Variants in SETBP1 observed in about 807,000 individuals in gnomAD.
SETBP1 encodes SET binding protein 1, also known as SET-binding protein.
In SETBP1, 9 loss-of-function variants were observed where a neutral mutation model predicts 101.0. That is an observed-to-expected ratio of 0.09 (90% CI 0.05 to 0.16). SETBP1 has a LOEUF of 0.16. Ranked by LOEUF, SETBP1 falls within the 10% of genes least tolerant of loss-of-function variation. The probability of loss-of-function intolerance (pLI) is 1.00; values close to 1 mark genes in which losing one functional copy is unlikely to be tolerated. For missense variants in SETBP1, 1,858 were observed against 2,033.8 expected, an observed-to-expected ratio of 0.91 and a Z score of 1.66; for synonymous variants, 818 against 788.5, an observed-to-expected ratio of 1.04 and a Z score of -0.63.
At position 45,063,672 on chromosome 18, in the gene SETBP1, G is replaced by A. The variant is rs1376299126; in HGVS notation, c.4765G>A (p.Gly1589Arg). ...VKAKRQRKSR[G>R]SESEVLP ...AGCCAAAAGGCAGAGGAAGTCCCGA[G>A]GGAGTGAGAGCGAGGTCCTTCCCTA... Residue 1589 changes from glycine (G) to arginine (R), a missense_variant, in exon 6 of 6, where the codon GGG becomes AGG. Gly to Arg is a moderately radical substitution (Grantham distance 125). This residue lies in a region of SETBP1 where 178 missense variants were observed against 189.1 expected (regional missense o/e 0.94). Coordinates refer to ENST00000649279, the MANE Select transcript of SETBP1 (RefSeq NM_015559.3). The A allele has an allele frequency of 6.2e-7, 1 of 1,608,910 alleles. No individual in the cohort carries two copies. Among genetic ancestry groups the A allele is most frequent in the Non-Finnish European group, 8.5e-7 (1 of 1,178,108 alleles).
chr18:44,981,242 G>A (rs1005612813), intron 4 of SETBP1, among the ~76,000 whole-genome samples: 4 of 152,166 alleles, frequency 2.6e-5, no homozygotes, highest in South Asian at 2.1e-4. Flanking sequence ...CACTTGCCCC[G>A]ACTCTCACCG....
chr18:44,808,317 T>C (rs2071791020), intron 2 of SETBP1, among the ~76,000 whole-genome samples: 1 of 152,184 alleles, frequency 6.6e-6, no homozygotes, highest in Non-Finnish European at 1.5e-5. Context: ...GCCTCTCCAC[T>C]AGCCCCTGAG....
At chr18:44,851,990 C>A (rs1350734197) in intron 2 of SETBP1, among the ~76,000 whole-genome samples, 1 of 152,218 alleles carries the variant, frequency 6.6e-6, no homozygotes, top group African/African-American at 2.4e-5. Flanking sequence ...CTCCCAGGTG[C>A]AGGCGGTTCT....
At chr18:45,029,545 G>C (rs1016544536) in intron 4 of SETBP1, among the ~76,000 whole-genome samples, 7 of 152,172 alleles carry the variant, frequency 4.6e-5, no homozygotes, top group African/African-American at 1.4e-4. Flanking sequence ...CCAATTCTGT[G>C]AAGAAAGTCA....
At chr18:44,805,079 C>T (rs1216918998) in intron 2 of SETBP1, among the ~76,000 whole-genome samples, 1 of 151,832 alleles carries the variant, frequency 6.6e-6, no homozygotes, top group African/African-American at 2.4e-5. Flanking sequence ...TCAAGCTTCT[C>T]CCAAGATCTC....
chr18:44,866,294 G>T (rs1212663023), intron 2 of SETBP1, among the ~76,000 whole-genome samples: 1 of 152,210 alleles, frequency 6.6e-6, no homozygotes, highest in Non-Finnish European at 1.5e-5. Context: ...GCTAGGCGCT[G>T]AGTGCTGTTT....
chr18:45,034,169 C>T (rs2073350380), intron 4 of SETBP1, among the ~76,000 whole-genome samples: 1 of 152,158 alleles, frequency 6.6e-6, no homozygotes, highest in Admixed American at 6.5e-5. Context: ...AATTGAGCAG[C>T]AACTACTACT....
chr18:45,029,128 G>A (rs2073235018), intron 4 of SETBP1, among the ~76,000 whole-genome samples: 1 of 152,066 alleles, frequency 6.6e-6, no homozygotes, highest in Non-Finnish European at 1.5e-5. Context: ...TTTCTTCTAG[G>A]GTTTTTATGG....
chr18:44,706,810 C>T (rs1386265473), intron 2 of SETBP1, among the ~76,000 whole-genome samples: 1 of 151,998 alleles, frequency 6.6e-6, no homozygotes, highest in East Asian at 1.9e-4. Context: ...GATAGTCTGA[C>T]ACCAAGCAGC....
chr18:44,885,630 G>A (rs567075107), intron 3 of SETBP1, among the ~76,000 whole-genome samples: 8 of 151,834 alleles, frequency 5.3e-5, no homozygotes, highest in Non-Finnish European at 8.8e-5. Context: ...TTTATTTGGC[G>A]AAATCGAGGA....
intron 2 of SETBP1, among the ~76,000 whole-genome samples, chr18:44,726,794 T>G: frequency 6.6e-6 from 1 of 152,216 alleles, no homozygotes; most frequent in East Asian, 1.9e-4. Context: ...ACATAATTTG[T>G]TTTTGTAATA....
chr18:44,721,561 A>G (rs1011024003), intron 2 of SETBP1, among the ~76,000 whole-genome samples: 1 of 133,700 alleles, frequency 7.5e-6, no homozygotes, highest in Non-Finnish European at 1.5e-5. Context: ...GGACTCCATA[A>G]ATCTCTTCTT....
chr18:44,692,136 G>T (rs186891841), intron 1 of SETBP1, among the ~76,000 whole-genome samples: 97 of 152,324 alleles, frequency 6.4e-4, no homozygotes, highest in Non-Finnish European at 1.2e-3. Flanking sequence ...GTCCCTCAGG[G>T]CTTGACTTGG....
chr18:45,039,603 C>T (rs2073469272), intron 5 of SETBP1, among the ~76,000 whole-genome samples: 1 of 152,286 alleles, frequency 6.6e-6, no homozygotes, highest in East Asian at 1.9e-4. Context: ...CTTGCTATCT[C>T]GCTGACATAC....
intron 4 of SETBP1, among the ~76,000 whole-genome samples, chr18:44,997,517 G>A (rs1270590653): frequency 6.6e-6 from 1 of 152,130 alleles, no homozygotes; most frequent in Non-Finnish European, 1.5e-5. Flanking sequence ...CTTAGGTAGA[G>A]GTCACTATAC....
chr18:44,732,926 C>T (rs1005176931), intron 2 of SETBP1: 2 of 152,148 alleles, frequency 1.3e-5, no homozygotes, highest in Admixed American at 1.3e-4. Context: ...GCAGCTCGCA[C>T]CTTTCACTTA....
intron 2 of SETBP1, among the ~76,000 whole-genome samples, chr18:44,744,289 C>T (rs942271973): frequency 6.6e-6 from 1 of 152,220 alleles, no homozygotes; most frequent in East Asian, 1.9e-4. Flanking sequence ...ACGCCTGCTC[C>T]CCCCTTCCCT....
intron 2 of SETBP1, among the ~76,000 whole-genome samples, chr18:44,775,402 G>A (rs2144654823): frequency 6.6e-6 from 1 of 152,294 alleles, no homozygotes; most frequent in East Asian, 1.9e-4. Flanking sequence ...AAGGTTTCCA[G>A]GGAAGTAACA....
rs971847805 is a variant in SETBP1 at position 44,950,966 on chromosome 18, G to T, written c.1626G>T (p.Met542Ile). The T allele has an allele frequency of 6.2e-7, 1 of 1,614,094 alleles. No individual in the cohort carries two copies. Among genetic ancestry groups the T allele is most frequent in the Admixed American group, 1.7e-5 (1 of 60,020 alleles). ...WTCSKPKPST[M>I]LREAVMATSD... ...GCAGCAAACCAAAACCTAGCACCAT[G>T]CTTCGAGAGGCAGTTATGGCCACCT... Residue 542 changes from methionine to isoleucine, a missense_variant, in exon 4 of 6, where the codon ATG becomes ATT. This residue lies in a region of SETBP1 where 581 missense variants were observed against 535.1 expected (regional missense o/e 1.09). Transcript: ENST00000649279.
Sources: allele counts gnomAD v4.1 joint callset (sites outside exome capture counted in the v4.1 genomes callset), GRCh38; gene constraint gnomAD v4.1.1; regional missense constraint gnomAD v4.1.1; transcripts MANE v1.5; gene names NCBI Gene and HGNC (gene_info 2026-07-23, HGNC 2026-07-21).